Variants in CNTNAP2 observed in about 807,000 individuals in gnomAD.
CNTNAP2 encodes the protein contactin associated protein 2.
A neutral mutation model predicts 155.2 loss-of-function variants in CNTNAP2; 98 were observed. The ratio of observed to expected loss-of-function variants is 0.63; its 90% confidence interval spans 0.54 to 0.75. The LOEUF (loss-of-function observed/expected upper bound fraction) is 0.75. Among genes scored for constraint, CNTNAP2 ranks in the 30% least tolerant of loss-of-function variants. CNTNAP2 has a pLI of 0.00. For missense variants in CNTNAP2, 1,727 were observed against 1,688.1 expected (o/e 1.02, Z -0.40); for synonymous variants, 651 against 631.2 (o/e 1.03, Z -0.47).
intron 22 of CNTNAP2, among the ~76,000 whole-genome samples, chr7:148,396,671 C>G (rs1799475224): frequency 6.6e-6 from 1 of 152,148 alleles, no homozygotes; most frequent in Non-Finnish European, 1.5e-5. Flanking sequence ...TTTATAAATA[C>G]CAATAACTAA....
chr7:147,674,265 C>T (rs895859329), intron 13 of CNTNAP2, among the ~76,000 whole-genome samples: 2 of 152,144 alleles, frequency 1.3e-5, no homozygotes, highest in African/African-American at 4.8e-5. Flanking sequence ...TTATTGAAAA[C>T]ATATCCAGCA....
chr7:147,965,059 G>A (rs1405503097), intron 14 of CNTNAP2, among the ~76,000 whole-genome samples: 1 of 152,134 alleles, frequency 6.6e-6, no homozygotes, highest in Non-Finnish European at 1.5e-5. Flanking sequence ...GAAAAGCCAT[G>A]TGCCCAATTA....
intron 8 of CNTNAP2, among the ~76,000 whole-genome samples, chr7:147,225,074 A>T (rs894068354): frequency 2.6e-5 from 4 of 152,190 alleles, no homozygotes; most frequent in Admixed American, 1.3e-4. Context: ...ACTTGCAGTT[A>T]AGTAAAACAT....
chr7:146,523,155 T>A (rs1797638884), intron 1 of CNTNAP2, among the ~76,000 whole-genome samples: 1 of 152,020 alleles, frequency 6.6e-6, no homozygotes, highest in African/African-American at 2.4e-5. Flanking sequence ...TTCCCACGCT[T>A]TCCCCCAAGT....
intron 21 of CNTNAP2, among the ~76,000 whole-genome samples, chr7:148,355,732 A>C (rs1423808363): frequency 6.6e-6 from 1 of 152,192 alleles, no homozygotes; most frequent in African/African-American, 2.4e-5. Context: ...CATATCTATC[A>C]CCTTTTGTGA....
In CNTNAP2 at chr7:147,775,291, ATATT is replaced by A. The variant is rs1797553379; in HGVS notation, c.2099-128270_2099-128267del. Among the ~76,000 whole-genome samples the A allele has an allele frequency of 9.1e-5, 4 of 44,098 alleles. No homozygotes were observed. The South Asian group carries it at 2.4e-3, about 26-fold the overall frequency. 28.9% of individuals were successfully genotyped at this position (44,098 alleles called of 152,430 possible). On this transcript the variant is annotated intron_variant, in intron 13 of 23. Coordinates refer to ENST00000361727, the MANE Select transcript of CNTNAP2 (RefSeq NM_014141.6). ...TTTATATATATATTTATAAATATAT[ATATT>A]TATATATATTTATAAATATATATAT... is the stretch of plus-strand genomic sequence containing the variant.
intron 13 of CNTNAP2, among the ~76,000 whole-genome samples, chr7:147,765,225 G>A (rs1413440033): frequency 6.6e-6 from 1 of 152,150 alleles, no homozygotes; most frequent in Non-Finnish European, 1.5e-5. Context: ...GTTCAAAAGT[G>A]CCATTCATTT....
At chr7:146,394,439 A>G (rs1795590395) in intron 1 of CNTNAP2, among the ~76,000 whole-genome samples, 1 of 152,122 alleles carries the variant, frequency 6.6e-6, no homozygotes, top group Non-Finnish European at 1.5e-5. Flanking sequence ...GCACAAGACT[A>G]GTTTCCACAT....
Position 147,372,514 on chromosome 7 carries a change from C to T in CNTNAP2, c.1499-23095C>T, listed in dbSNP as rs145370911. Among the ~76,000 whole-genome samples, 1,019 of 152,088 alleles carry T rather than the reference C, an allele frequency of 6.7e-3. 11 individuals are homozygous for T. Among genetic ancestry groups the T allele is most frequent in the African/African-American group, 0.023 (955 of 41,522 alleles). ...ACTCTATCCCAGGAACTTTTTTCTC[C>T]CACTCTTAACAGAAGTCAAGAGACA... On this transcript the variant is annotated intron_variant, in intron 9 of 23. Coordinates refer to ENST00000361727, the MANE Select transcript of CNTNAP2 (RefSeq NM_014141.6).
intron 3 of CNTNAP2, among the ~76,000 whole-genome samples, chr7:146,925,112 TAC>T (rs1796580448): frequency 6.6e-6 from 1 of 152,132 alleles, no homozygotes. Context: ...TTCTCTGTTT[TAC>T]ACAGAGAATA....
intron 1 of CNTNAP2, among the ~76,000 whole-genome samples, chr7:146,482,228 TC>T (rs1796971626): frequency 8.8e-6 from 1 of 114,146 alleles, no homozygotes; most frequent in Non-Finnish European, 1.8e-5. Context: ...AAAAAAAAAC[TC>T]CAGTGAAACA....
intron 17 of CNTNAP2, among the ~76,000 whole-genome samples, chr7:148,171,639 A>G (rs1403915544): frequency 6.6e-6 from 1 of 152,204 alleles, no homozygotes; most frequent in Non-Finnish European, 1.5e-5. Flanking sequence ...ATGAAATCTG[A>G]TCTAACCTAG....
At chr7:148,275,894 A>G (rs1031471461) in intron 21 of CNTNAP2, among the ~76,000 whole-genome samples, 1 of 152,206 alleles carries the variant, frequency 6.6e-6, no homozygotes, top group African/African-American at 2.4e-5. Flanking sequence ...GCCAGGTCAC[A>G]TTGCAAAGAA....
chr7:147,837,442 G>A (rs1798651626), intron 13 of CNTNAP2, among the ~76,000 whole-genome samples: 2 of 151,986 alleles, frequency 1.3e-5, no homozygotes, highest in African/African-American at 4.8e-5. Flanking sequence ...GATTTGGGTG[G>A]GGACACAGCC....
At chr7:146,863,647 C>T (rs993248254) in intron 3 of CNTNAP2, among the ~76,000 whole-genome samples, 1 of 152,058 alleles carries the variant, frequency 6.6e-6, no homozygotes, top group African/African-American at 2.4e-5. Context: ...CTATTTGCTT[C>T]CCCTTCCATT....
chr7:146,239,301 A>G (rs1015997563), intron 1 of CNTNAP2, among the ~76,000 whole-genome samples: 1 of 152,130 alleles, frequency 6.6e-6, no homozygotes, highest in Non-Finnish European at 1.5e-5. Context: ...TTTCAAGTCA[A>G]AATTCTTTCT....
intron 10 of CNTNAP2, among the ~76,000 whole-genome samples, chr7:147,481,773 T>G (rs1450242117): frequency 1.3e-5 from 2 of 152,190 alleles, no homozygotes; most frequent in African/African-American, 4.8e-5. Flanking sequence ...CCCCTGTACC[T>G]TCCTGATCCC....
chr7:146,418,581 A>C (rs2129112943), intron 1 of CNTNAP2, among the ~76,000 whole-genome samples: 1 of 152,270 alleles, frequency 6.6e-6, no homozygotes, highest in South Asian at 2.1e-4. Flanking sequence ...AAATTGGTAC[A>C]TAATGCGTAT....
At chr7:147,408,784 G>A (rs781268645) in intron 10 of CNTNAP2, among the ~76,000 whole-genome samples, 2 of 152,048 alleles carry the variant, frequency 1.3e-5, no homozygotes, top group Admixed American at 6.6e-5. Flanking sequence ...AGAGGACGTT[G>A]CATTACTAGA....
Sources: allele counts gnomAD v4.1 joint callset (sites outside exome capture counted in the v4.1 genomes callset), GRCh38; gene constraint gnomAD v4.1.1; transcripts MANE v1.5; gene names NCBI Gene and HGNC (gene_info 2026-07-23, HGNC 2026-07-21).